The following ANO10 variants were observed in gnomAD, a reference collection of about 807,000 sequenced individuals.
ANO10 encodes the protein anoctamin-10.
A neutral mutation model predicts 74.7 loss-of-function variants in ANO10; 77 were observed. The observed-to-expected ratio is 1.03, with a 90% CI of 0.86 to 1.25. The LOEUF is 1.25. ANO10 is among the 50% of genes most tolerant of loss of function. ANO10 has a pLI of 0.00. For synonymous variants in ANO10, 279 were observed against 284.9 expected (o/e 0.98, Z 0.21); for missense variants, 721 against 778.1 (o/e 0.93, Z 0.87).
intron 11 of ANO10, among the ~76,000 whole-genome samples, chr3:43,497,140 A>T (rs1285533973): frequency 6.6e-6 from 1 of 152,160 alleles, no homozygotes; most frequent in East Asian, 1.9e-4. Context: ...TGTGATTTTG[A>T]ATTAAGTGCA....
intron 1 of ANO10, among the ~76,000 whole-genome samples, chr3:43,612,373 A>G (rs1302235312): frequency 6.6e-6 from 1 of 151,766 alleles, no homozygotes; most frequent in Non-Finnish European, 1.5e-5. Flanking sequence ...ACTTGTCTCA[A>G]TAAAACCAAA....
chr3:43,592,099 G>A (rs4682894), intron 4 of ANO10, among the ~76,000 whole-genome samples: 90,900 of 152,080 alleles, frequency 0.6, 27,898 homozygotes, highest in East Asian at 0.89. Context: ...AAGCAGCCTG[G>A]AAGCTCGAAC....
chr3:43,628,285 C>A (rs186238630), intron 1 of ANO10, among the ~76,000 whole-genome samples: 3 of 152,124 alleles, frequency 2.0e-5, no homozygotes. Context: ...TTTATAATTT[C>A]TTATGCCTGT....
chr3:43,513,834 A>G (rs954480812), intron 11 of ANO10, among the ~76,000 whole-genome samples: 1 of 152,124 alleles, frequency 6.6e-6, no homozygotes, highest in Non-Finnish European at 1.5e-5. Flanking sequence ...ATTTAAAAGA[A>G]GGAAGAAAAG....
rs1282216406 is a variant in ANO10 at position 43,580,282 on chromosome 3, C to T, written c.592+71G>A. The T allele has an allele frequency of 8.7e-6, 14 of 1,600,492 alleles. No individual in the cohort carries two copies. The East Asian group carries it at 3.1e-4, about 36-fold the overall frequency. On this transcript the variant is annotated intron_variant, in intron 5 of 12. Coordinates refer to ENST00000292246, the MANE Select transcript of ANO10 (RefSeq NM_018075.5). Reference sequence around the variant, plus strand: ...CTAAATATCTGCCCAAGGGAGCTGACTCCACTGCTAGATCGTAACTTTTCA... The same window carrying T: ...CTAAATATCTGCCCAAGGGAGCTGATTCCACTGCTAGATCGTAACTTTTCA...
upstream of ANO10, among the ~76,000 whole-genome samples, chr3:43,623,759 G>GTCTTT (rs1392582525): frequency 6.6e-6 from 1 of 152,154 alleles, no homozygotes; most frequent in Non-Finnish European, 1.5e-5. Flanking sequence ...CTAGTCCTCC[G>GTCTTT]ATGCTATCAT....
intron 1 of ANO10, among the ~76,000 whole-genome samples, chr3:43,646,795 C>A (rs2083730803): frequency 6.6e-6 from 1 of 152,164 alleles, no homozygotes; most frequent in South Asian, 2.1e-4. Flanking sequence ...CAGGTGTGAG[C>A]CACCACACCT....
At chr3:43,523,631 T>C (rs1344413962) in intron 11 of ANO10, among the ~76,000 whole-genome samples, 2 of 152,188 alleles carry the variant, frequency 1.3e-5, no homozygotes, top group African/African-American at 2.4e-5. Flanking sequence ...TGAGGATGAC[T>C]AACCCCAAGT....
Position 43,519,579 on chromosome 3 carries a change from A to C in ANO10, c.1797+30141T>G, listed in dbSNP as rs1414014615. The stretch of plus-strand genomic sequence containing the variant: ...CATACATTTGGTTTCATTTGGAGCC[A>C]TTACTTGTTTGCTTGTTTGTCCTCC... On this transcript the variant is annotated intron_variant, in intron 11 of 12. Transcript: ENST00000292246. Among the ~76,000 whole-genome samples the C allele has an allele frequency of 1.3e-5, 2 of 152,256 alleles. 1 individual carries two copies. The highest frequency in any genetic ancestry group is 4.1e-4 in the South Asian group (2 of 4,828).
chr3:43,570,614 GA>G (rs2080650913), intron 7 of ANO10, among the ~76,000 whole-genome samples: 2 of 151,702 alleles, frequency 1.3e-5, no homozygotes, highest in Admixed American at 1.3e-4. Context: ...ATGGTGCTGG[GA>G]AAACTGGCTA....
chr3:43,424,989 G>A (rs1228778050), intron 12 of ANO10, among the ~76,000 whole-genome samples: 2 of 152,048 alleles, frequency 1.3e-5, no homozygotes, highest in African/African-American at 4.8e-5. Flanking sequence ...CTGACTTGGG[G>A]CCCCAGGAAG....
chr3:43,392,452 T>C (rs1378244225), intron 12 of ANO10, among the ~76,000 whole-genome samples: 2 of 152,228 alleles, frequency 1.3e-5, no homozygotes, highest in African/African-American at 2.4e-5. Flanking sequence ...ATGGAGATGA[T>C]CCCATATCAG....
rs760056786 is a variant in ANO10, at chr3:43,690,953, C to A, written c.-12+564G>T. On this transcript the variant is annotated intron_variant, in intron 1 of 3. Transcript: ENST00000413397. ...GGGGCGGCCCAGTCGGCCTGTCAGC[C>A]GGCTTCGAGATAAGTCCCGGCGCTT... The A allele has an allele frequency of 4.5e-6, 7 of 1,549,218 alleles. No homozygotes were observed. In the Admixed American group the frequency reaches 1.1e-4, roughly 25 times the overall value.
chr3:43,564,130 TCA>T (rs1346660546), intron 8 of ANO10, among the ~76,000 whole-genome samples: 1 of 151,966 alleles, frequency 6.6e-6, no homozygotes, highest in Non-Finnish European at 1.5e-5. Context: ...GCTCCCAGGC[TCA>T]GACAATCCTC....
chr3:43,560,228 T>C (rs2079961179), intron 9 of ANO10, among the ~76,000 whole-genome samples: 1 of 152,186 alleles, frequency 6.6e-6, no homozygotes, highest in East Asian at 1.9e-4. Context: ...ACCAGATCTA[T>C]AAAATCCTCA....
chr3:43,563,871 A>AT (rs1411260729), intron 8 of ANO10, among the ~76,000 whole-genome samples: 4 of 152,110 alleles, frequency 2.6e-5, no homozygotes, highest in Non-Finnish European at 5.9e-5. Flanking sequence ...GGAGAGGAGG[A>AT]TAAAGAGAAG....
At chr3:43,509,339 C>T (rs1175490313) in intron 11 of ANO10, among the ~76,000 whole-genome samples, 1 of 151,974 alleles carries the variant, frequency 6.6e-6, no homozygotes, top group East Asian at 1.9e-4. Context: ...GCACGTTGTG[C>T]ACATGTACCC....
intron 7 of ANO10, among the ~76,000 whole-genome samples, chr3:43,574,112 G>A (rs188105260): frequency 2.0e-5 from 3 of 150,270 alleles, no homozygotes; most frequent in Admixed American, 6.7e-5. Context: ...CACCATACCC[G>A]GTGAATTTTT....
intron 1 of ANO10, among the ~76,000 whole-genome samples, chr3:43,610,560 T>C (rs1429396358): frequency 2.6e-5 from 4 of 152,214 alleles, no homozygotes; most frequent in Non-Finnish European, 5.9e-5. Context: ...TGTGTTACAC[T>C]ACGATGTCAG....
Sources: allele counts gnomAD v4.1 joint callset (sites outside exome capture counted in the v4.1 genomes callset), GRCh38; gene constraint gnomAD v4.1.1; transcripts MANE v1.5; gene names NCBI Gene and HGNC (gene_info 2026-07-23, HGNC 2026-07-21).